Variants in SNRNP70 observed in about 807,000 individuals in gnomAD.
The protein encoded by SNRNP70 is U1 small nuclear ribonucleoprotein 70 kDa.
In SNRNP70, 8 loss-of-function variants were observed where a neutral mutation model predicts 50.5. The ratio of observed to expected loss-of-function variants is 0.16; its 90% CI spans 0.09 to 0.29. The LOEUF is 0.29. SNRNP70 is among the 10% of genes least tolerant of loss of function. The probability of loss-of-function intolerance (pLI) is 1.00; values close to 1 mark genes in which losing one functional copy is unlikely to be tolerated. For synonymous variants in SNRNP70, 320 were observed against 252.9 expected (o/e 1.27, Z -2.52); for missense variants, 529 against 663.5 (o/e 0.80, Z 2.23).
In SNRNP70 at chr19:49,104,754, C is replaced by T. The variant is rs763478425; in HGVS notation, c.577+19C>T. 48 of 1,503,942 alleles carry T rather than the reference C, an allele frequency of 3.2e-5. No individual in the cohort carries two copies. The Middle Eastern group carries it at 5.8e-4, about 18-fold the overall frequency. The allele number at this position is 1,503,942 out of a possible 1,614,324, so 93.2% of individuals were successfully genotyped here. A position where few individuals can be genotyped will look rare whatever the true frequency, so the allele number is the denominator to read the frequency against. On this transcript the variant is annotated intron_variant, in intron 8 of 9. Coordinates refer to ENST00000598441, the MANE Select transcript of SNRNP70 (RefSeq NM_003089.6). This position sits in a 1 kb window ranked among gnomAD's most constrained non-coding sequence, Gnocchi z 5.4. ...CGGCTAGGTGAGCACATCCTGCCTT[C>T]GACGGGCTCTCGGGGGCCCTGGGCC...
At chr19:49,092,557 C>T (rs769660923) in intron 4 of SNRNP70, among the ~76,000 whole-genome samples, 4 of 152,080 alleles carry the variant, frequency 2.6e-5, no homozygotes, top group Admixed American at 6.6e-5. Flanking sequence ...TACAGGCGTG[C>T]GCCACCATGC....
At chr19:49,098,761 C>T (rs1227005914) in intron 6 of SNRNP70, 57 bp downstream of exon 6, 1 of 1,404,642 alleles carries the variant, frequency 7.1e-7, no homozygotes, top group Non-Finnish European at 1.0e-6. Flanking sequence ...GGGGCTGTAT[C>T]CTGAGAGGGA....
chr19:49,100,697 T>C (rs1206832986), intron 6 of SNRNP70, among the ~76,000 whole-genome samples: 1 of 151,630 alleles, frequency 6.6e-6, no homozygotes, highest in Non-Finnish European at 1.5e-5. Context: ...TCCCAGCTAC[T>C]TGGGAGGCTG....
At position 49,107,856 on chromosome 19, in the gene SNRNP70, G is replaced by C. The variant is rs1440476718; in HGVS notation, c.727G>C (p.Glu243Gln). ...CCGGGACCGTGAGCGGGAGCGCAGA[G>C]AGCGGAGCCGGGAGCGAGACAAGGA... is the stretch of plus-strand genomic sequence containing the variant. ...RDRDRERERR[E>Q]RSRERDKERE... The change falls in exon 10 of 10, where the codon GAG (glutamate) becomes CAG (glutamine). Residue 243 changes from glutamate to glutamine, a missense_variant. By Grantham distance (29) the Glu-to-Gln change is conservative. Around this residue, in one of 4 missense-constraint regions of SNRNP70, gnomAD observed 53 missense variants for 78.6 expected, o/e 0.67. Coordinates refer to ENST00000598441, the MANE Select transcript of SNRNP70 (RefSeq NM_003089.6). This position sits in a 1 kb window ranked among gnomAD's most constrained non-coding sequence, Gnocchi z 6.0. The C allele has an allele frequency of 6.4e-7, 1 of 1,561,804 alleles. No individual in the cohort carries two copies. The highest frequency in any genetic ancestry group is 8.7e-7 in the Non-Finnish European group (1 of 1,153,740).
intron 4 of SNRNP70, among the ~76,000 whole-genome samples, chr19:49,094,223 A>G (rs867939465): frequency 1.1e-4 from 17 of 152,030 alleles, no homozygotes; most frequent in African/African-American, 4.1e-4. Context: ...AAAATAATCC[A>G]GCCGGTCGTG....
At position 49,108,128 on chromosome 19, in the gene SNRNP70, G is replaced by A. The variant is rs1194052841; in HGVS notation, c.999G>A (p.Gly333=). Residue 333 remains glycine (G), a synonymous_variant, in exon 10 of 10, where the codon GGG becomes GGA. Coordinates refer to ENST00000598441, the MANE Select transcript of SNRNP70 (RefSeq NM_003089.6). ...GDAPPDDGPP[G]ELGPDGPDGP... The stretch of plus-strand genomic sequence containing the variant: ...CGCCCCCTGATGATGGGCCTCCAGG[G>A]GAGCTCGGGCCTGACGGCCCTGACG... 1.3e-6 allele frequency: 2 copies of A among 1,547,278 alleles called. No individual in the cohort carries two copies. The highest frequency in any genetic ancestry group is 2.4e-5 in the East Asian group (1 of 42,270).
At chr19:49,095,118 C>CCA (rs1186553087) in intron 4 of SNRNP70, among the ~76,000 whole-genome samples, 2 of 152,254 alleles carry the variant, frequency 1.3e-5, no homozygotes, top group Non-Finnish European at 2.9e-5. Context: ...CTTGGGGGTA[C>CCA]CATTGCTTTG....
rs2040685527 is a variant in SNRNP70, at chr19:49,107,380, T to C, written c.578-245T>C. Among the ~76,000 whole-genome samples the C allele has an allele frequency of 6.6e-6, 1 of 152,210 alleles. No individual in the cohort carries two copies. Among genetic ancestry groups the C allele is most frequent in the African/African-American group, 2.4e-5 (1 of 41,456 alleles). ...TGCGCTATGGTTAAGATGATGCGCT[T>C]TGGGGCCAGACATGGGTTCCAGTAA... On this transcript the variant is annotated intron_variant, in intron 8 of 9. Transcript: ENST00000598441. This position sits in a 1 kb window ranked among gnomAD's most constrained non-coding sequence, Gnocchi z 6.0.
chr19:49,088,204 T>TTTC (rs2040405708), intron 2 of SNRNP70, among the ~76,000 whole-genome samples: 1 of 140,280 alleles, frequency 7.1e-6, no homozygotes, highest in Non-Finnish European at 1.5e-5. Flanking sequence ...AGGTACTTTT[T>TTTC]TTTTTTTTTT....
chr19:49,108,036 CGGG>C lies in SNRNP70; in HGVS notation c.908_910del (p.Arg303_Glu304delinsGln). On this transcript the variant is annotated inframe_deletion, in exon 10 of 10. Coordinates refer to ENST00000598441, the MANE Select transcript of SNRNP70 (RefSeq NM_003089.6). The stretch of plus-strand genomic sequence containing the variant: ...GAGTCGGGAGCGGGCCCGGCGGGAG[CGGG>C]AGCGCAAGGAGGAGCTGCGTGGCGG... 1 of 1,548,594 alleles carries C rather than the reference CGGG, an allele frequency of 6.5e-7. No homozygotes were observed. The highest frequency in any genetic ancestry group is 8.7e-7 in the Non-Finnish European group (1 of 1,146,954).
intron 8 of SNRNP70, among the ~76,000 whole-genome samples, chr19:49,105,242 A>AGCCTCCTGCATTCGGTCTCCTCATT (rs2040651313): frequency 6.6e-6 from 1 of 152,000 alleles, no homozygotes; most frequent in Non-Finnish European, 1.5e-5. Context: ...CTGCCCTCTG[A>AGCCTCCTGCATTCGGTCTCCTCATT]GCCTCCTGCA....
At position 49,108,546 on chromosome 19, in the gene SNRNP70, G is replaced by A. The variant is rs925316571; in HGVS notation, c.*103G>A. On this transcript the variant is annotated 3_prime_UTR_variant, in exon 10 of 10. Transcript: ENST00000598441. ...GGCCACTTGAGTTTGTCCTCCAAGG[G>A]TAGGTGTCTCATTTGTTCTGGCCCC... 215 of 1,412,648 alleles carry A rather than the reference G, an allele frequency of 1.5e-4. No individual in the cohort carries two copies. The highest frequency in any genetic ancestry group is 2.4e-4 in the Middle Eastern group (1 of 4,226). The allele number at this position is 1,412,648 out of a possible 1,614,324, so 87.5% of individuals were successfully genotyped here.
chr19:49,097,045 G>C (rs1486188083), intron 4 of SNRNP70, among the ~76,000 whole-genome samples: 1 of 151,984 alleles, frequency 6.6e-6, no homozygotes, highest in Non-Finnish European at 1.5e-5. Context: ...CAGGAGAATT[G>C]CTTGAACCTC....
intron 4 of SNRNP70, among the ~76,000 whole-genome samples, chr19:49,093,093 ATTTTTTG>A (rs1013444274): frequency 6.8e-5 from 9 of 132,228 alleles, no homozygotes; most frequent in African/African-American, 1.0e-4. Flanking sequence ...AGTGTTTTTC[ATTTTTTG>A]TTTTTTGTTT....
At chr19:49,086,865 G>C (rs1322419406) in intron 2 of SNRNP70, among the ~76,000 whole-genome samples, 1 of 140,606 alleles carries the variant, frequency 7.1e-6, no homozygotes, top group Non-Finnish European at 1.6e-5. Context: ...GCAGGACTTC[G>C]TCTCTCAAAA....
chr19:49,085,646 TG>T lies in SNRNP70; in HGVS notation c.-11+11del, dbSNP rs1971725388. 1 of 455,632 alleles carries T rather than the reference TG, an allele frequency of 2.2e-6. No individual in the cohort carries two copies. The highest frequency in any genetic ancestry group is 2.0e-5 in the African/African-American group (1 of 50,000). 28.2% of individuals were successfully genotyped at this position (455,632 alleles called of 1,614,324 possible). ...AGGAGGGCGCTACGCGGTGAGTGAG[TG>T]TGACTGAGTGGCCCGACGGGGTGCG... On this transcript the variant is annotated intron_variant, in intron 1 of 9. Transcript: ENST00000598441.
chr19:49,085,827 T>A (rs2040370627), intron 1 of SNRNP70, among the ~76,000 whole-genome samples, 191 bp downstream of exon 1: 3 of 152,196 alleles, frequency 2.0e-5, no homozygotes, highest in Non-Finnish European at 4.4e-5. Flanking sequence ...GCCCTCGTGG[T>A]TCCCTACCCA....
chr19:49,086,645 G>T, intron 2 of SNRNP70, 84 bp downstream of exon 2: 5 of 1,303,580 alleles, frequency 3.8e-6, no homozygotes, highest in Non-Finnish European at 5.5e-6. Flanking sequence ...TGGCCATTTT[G>T]CCAGCTGCGT....
intron 4 of SNRNP70, 34 bp from the exon 5 acceptor site, chr19:49,098,393 C>A: frequency 6.4e-7 from 1 of 1,572,726 alleles, no homozygotes; most frequent in Admixed American, 1.7e-5. Context: ...CCATGGACAC[C>A]TTCAACTTAT....
Sources: allele counts gnomAD v4.1 joint callset (sites outside exome capture counted in the v4.1 genomes callset), GRCh38; gene constraint gnomAD v4.1.1; regional missense constraint gnomAD v4.1.1; non-coding constraint Gnocchi (gnomAD v3.1); transcripts MANE v1.5; gene names NCBI Gene and HGNC (gene_info 2026-07-23, HGNC 2026-07-21).